MAPK9: variants seen among roughly 807,000 people sequenced by gnomAD.
MAPK9 encodes mitogen-activated protein kinase 9, also known as Jun kinase.
In MAPK9, 30 loss-of-function variants were observed where a neutral mutation model predicts 57.1. The ratio of observed to expected loss-of-function variants is 0.53; its 90% CI spans 0.39 to 0.71. The LOEUF is 0.71. Among genes scored for constraint, MAPK9 ranks in the 30% least tolerant of loss-of-function variants. The pLI is 0.00. For synonymous variants in MAPK9, 155 were observed against 177.0 expected, an observed-to-expected ratio of 0.88 and a Z score of 0.99; for missense variants, 362 against 521.0, an observed-to-expected ratio of 0.69 and a Z score of 2.97.
At chr5:180,268,013 A>G (rs1422870159) in intron 3 of MAPK9, among the ~76,000 whole-genome samples, 1 of 151,928 alleles carries the variant, frequency 6.6e-6, no homozygotes, top group Non-Finnish European at 1.5e-5. Context: ...TTTAGTAGAG[A>G]TGGGGTTTCA....
At chr5:180,279,739 TA>T (rs2127620733) in intron 2 of MAPK9, 1 of 378,188 alleles carries the variant, frequency 2.6e-6, no homozygotes, top group East Asian at 8.7e-5. Flanking sequence ...AAATAAGGGG[TA>T]AAAAGTGTGG....
At chr5:180,265,305 C>T (rs907594508) in intron 3 of MAPK9, among the ~76,000 whole-genome samples, 4 of 152,188 alleles carry the variant, frequency 2.6e-5, no homozygotes, top group Admixed American at 6.5e-5. Context: ...AGGCCTCCAT[C>T]CTGGCACCCT....
chr5:180,260,095 C>T (rs34000522), intron 5 of MAPK9, among the ~76,000 whole-genome samples: 3 of 152,092 alleles, frequency 2.0e-5, no homozygotes, highest in Admixed American at 1.3e-4. Flanking sequence ...TTTGAAAATA[C>T]GAAACAAAAC....
At chr5:180,270,402 C>T (rs1761143347) in intron 2 of MAPK9, among the ~76,000 whole-genome samples, 1 of 152,162 alleles carries the variant, frequency 6.6e-6, no homozygotes. Flanking sequence ...TATTATGTGT[C>T]TGTCTATATA....
At chr5:180,239,896 G>A (rs1757509228) in intron 10 of MAPK9, 28 bp downstream of exon 10, 1 of 1,596,800 alleles carries the variant, frequency 6.3e-7, no homozygotes, top group Non-Finnish European at 8.6e-7. Context: ...ATGTCAAAAG[G>A]AAGGATCAAA....
intron 5 of MAPK9, among the ~76,000 whole-genome samples, chr5:180,251,085 G>A (rs956444782): frequency 6.6e-6 from 1 of 152,134 alleles, no homozygotes; most frequent in Non-Finnish European, 1.5e-5. Context: ...CAAAATGAAT[G>A]CCCATTTTTA....
intron 2 of MAPK9, among the ~76,000 whole-genome samples, chr5:180,274,199 T>C (rs1487223433): frequency 1.3e-5 from 2 of 152,246 alleles, no homozygotes; most frequent in African/African-American, 2.4e-5. Flanking sequence ...GTTTTTATCC[T>C]ATTTTAAGTG....
rs975829192 is a variant in MAPK9 at position 180,247,991 on chromosome 5, C to G, written c.617-481G>C. 6.7e-7 allele frequency: 1 copy of G among 1,503,426 alleles called. No homozygotes were observed. The highest frequency in any genetic ancestry group is 1.4e-5 in the African/African-American group (1 of 72,662). The allele number at this position is 1,503,426 out of a possible 1,614,324, so 93.1% of individuals were successfully genotyped here. A position where few individuals can be genotyped will look rare whatever the true frequency, so the allele number is the denominator to read the frequency against. ...CCATCTTTTTTCTTCAAACCCCCTC[C>G]CAGGACAAACCCGGTACACGTCACT... is the stretch of plus-strand genomic sequence containing the variant. On this transcript the variant is annotated intron_variant, in intron 6 of 11. Transcript: ENST00000452135. The surrounding 1 kb of genome is among the most constrained non-coding windows in gnomAD (Gnocchi z 4.5).
intron 5 of MAPK9, chr5:180,257,561 A>C (rs1561807060): frequency 6.6e-6 from 1 of 152,232 alleles, no homozygotes; most frequent in South Asian, 2.1e-4. Flanking sequence ...TCAGTATTTT[A>C]ATTGTTTTTT....
chr5:180,268,641 C>T (rs1016386961), intron 3 of MAPK9, among the ~76,000 whole-genome samples: 6 of 152,006 alleles, frequency 3.9e-5, no homozygotes, highest in East Asian at 1.9e-4. Context: ...TCCCGGCTAA[C>T]GCGGTGAAAC....
At chr5:180,269,152 A>C (rs1761009725) in intron 3 of MAPK9, 128 bp downstream of exon 3, 1 of 1,032,182 alleles carries the variant, frequency 9.7e-7, no homozygotes, top group African/African-American at 1.6e-5. Flanking sequence ...ACAAAAAACC[A>C]ATGTTAATAG....
In MAPK9 at chr5:180,236,380, C is replaced by CCTAT; in HGVS notation, c.1275_*3dup. On this transcript the variant is annotated 3_prime_UTR_variant, in exon 12 of 12. Coordinates refer to ENST00000452135, the MANE Select transcript of MAPK9 (RefSeq NM_002752.5). ...ATGCTGACAGGTTTGCTATTTCTAA[C>CCTAT]CTATCATCGACAGCCTTCAAGGGGT... is the stretch of plus-strand genomic sequence containing the variant. 1 of 1,603,190 alleles carries CCTAT rather than the reference C, an allele frequency of 6.2e-7. No homozygotes were observed. Among genetic ancestry groups the CCTAT allele is most frequent in the Non-Finnish European group, 8.5e-7 (1 of 1,171,902 alleles).
At chr5:180,269,236 T>C in intron 3 of MAPK9, 44 bp downstream of exon 3, 1 of 1,584,482 alleles carries the variant, frequency 6.3e-7, no homozygotes, top group Non-Finnish European at 8.7e-7. Context: ...TACCACATTA[T>C]TGACAATATG....
chr5:180,237,292 AAGT>A, intron 11 of MAPK9: 1 of 152,344 alleles, frequency 6.6e-6, no homozygotes, highest in South Asian at 2.1e-4. Context: ...CAAGAATAAA[AAGT>A]AAGCTGTGCT....
At chr5:180,286,682 A>C (rs1371403481) in intron 1 of MAPK9, among the ~76,000 whole-genome samples, 1 of 147,982 alleles carries the variant, frequency 6.8e-6, no homozygotes, top group Non-Finnish European at 1.5e-5. Flanking sequence ...TTTCCCTCTC[A>C]ATCCCCCACT....
intron 3 of MAPK9, among the ~76,000 whole-genome samples, chr5:180,267,774 A>AACCCGG: frequency 6.6e-6 from 1 of 152,128 alleles, no homozygotes; most frequent in Admixed American, 6.5e-5. Flanking sequence ...CTGAGGTGGG[A>AACCCGG]GAATCACAAC....
intron 1 of MAPK9, among the ~76,000 whole-genome samples, chr5:180,286,686 C>T (rs997355989): frequency 6.7e-6 from 1 of 148,184 alleles, no homozygotes; most frequent in African/African-American, 2.5e-5. Flanking sequence ...CCTCTCAATC[C>T]CCCACTCCCA....
At chr5:180,288,029 T>C (rs934820728) in intron 1 of MAPK9, among the ~76,000 whole-genome samples, 8 of 152,198 alleles carry the variant, frequency 5.3e-5, no homozygotes, top group African/African-American at 1.9e-4. Context: ...ATCTGGGTGA[T>C]GTGCAGCAAG....
intron 6 of MAPK9, among the ~76,000 whole-genome samples, chr5:180,248,150 G>A (rs1758307257): frequency 6.6e-6 from 1 of 152,254 alleles, no homozygotes; most frequent in Admixed American, 6.5e-5. Context: ...CTGCAGGTGA[G>A]GCCCTGCTAG....
Sources: gnomAD v4.1 joint callset for allele counts (sites outside exome capture counted in the v4.1 genomes callset) on GRCh38, gnomAD v4.1.1 for gene constraint, Gnocchi (gnomAD v3.1) non-coding constraint, MANE v1.5 for transcripts, NCBI Gene and HGNC (gene_info 2026-07-23, HGNC 2026-07-21) for gene names.